The following PPP1R14C variants were observed in gnomAD, a reference collection of about 807,000 sequenced individuals.
PPP1R14C encodes the protein protein phosphatase 1 regulatory inhibitor subunit 14C, also known as protein phosphatase 1 regulatory subunit 14C.
In PPP1R14C, 16 loss-of-function variants were observed where a neutral mutation model predicts 20.4. The ratio of observed to expected loss-of-function variants is 0.78; its 90% confidence interval spans 0.53 to 1.19. PPP1R14C has a LOEUF of 1.19. PPP1R14C is among the 50% of genes most tolerant of loss of function. The pLI is 0.00. For synonymous variants in PPP1R14C, 91 were observed against 91.0 expected (o/e 1.00, Z 0.00); for missense variants, 211 against 220.1 (o/e 0.96, Z 0.26).
chr6:150,240,983 TCTC>T (rs1199033461), intron 3 of PPP1R14C, among the ~76,000 whole-genome samples: 3 of 152,232 alleles, frequency 2.0e-5, no homozygotes, highest in African/African-American at 7.2e-5. Context: ...TTGACCCAGA[TCTC>T]CTAATCTGTT....
At chr6:150,189,703 CT>C (rs1173443814) in intron 1 of PPP1R14C, among the ~76,000 whole-genome samples, 5 of 152,166 alleles carry the variant, frequency 3.3e-5, no homozygotes, top group African/African-American at 1.2e-4. Context: ...ACATTTCTGA[CT>C]TTATATTCTA....
intron 1 of PPP1R14C, among the ~76,000 whole-genome samples, chr6:150,212,711 A>G (rs1778042369): frequency 6.6e-6 from 1 of 152,238 alleles, no homozygotes; most frequent in Non-Finnish European, 1.5e-5. Flanking sequence ...CATATATGAC[A>G]GTGGTCCCAT....
chr6:150,240,684 A>C (rs1014289867), intron 3 of PPP1R14C, among the ~76,000 whole-genome samples: 1 of 152,196 alleles, frequency 6.6e-6, no homozygotes, highest in African/African-American at 2.4e-5. Flanking sequence ...TGCAATGCAG[A>C]AAGTGAGGAG....
intron 3 of PPP1R14C, among the ~76,000 whole-genome samples, chr6:150,244,331 C>T (rs1263393854): frequency 6.6e-6 from 1 of 152,202 alleles, no homozygotes; most frequent in Non-Finnish European, 1.5e-5. Context: ...AGGTGAGCAC[C>T]TCTTTCTGCT....
intron 3 of PPP1R14C, among the ~76,000 whole-genome samples, chr6:150,220,337 C>T (rs1562273153): frequency 6.6e-6 from 1 of 152,098 alleles, no homozygotes; most frequent in Non-Finnish European, 1.5e-5. Flanking sequence ...TGAGGGTTGA[C>T]GGTCTGACTT....
chr6:150,235,131 A>G (rs1253576080), intron 3 of PPP1R14C, among the ~76,000 whole-genome samples: 1 of 152,218 alleles, frequency 6.6e-6, no homozygotes, highest in African/African-American at 2.4e-5. Context: ...TTTGTTGTCC[A>G]TGCTGGAGTG....
At chr6:150,162,873 C>T (rs2114860996) in intron 1 of PPP1R14C, among the ~76,000 whole-genome samples, 1 of 152,172 alleles carries the variant, frequency 6.6e-6, no homozygotes, top group South Asian at 2.1e-4. Context: ...GAGACTGTGG[C>T]CAGGTTAGTG....
At chr6:150,151,206 G>T (rs1247650210) in intron 1 of PPP1R14C, among the ~76,000 whole-genome samples, 1 of 152,140 alleles carries the variant, frequency 6.6e-6, no homozygotes, top group Non-Finnish European at 1.5e-5. Context: ...GAAATGGACA[G>T]TGCCACTTAG....
At chr6:150,217,307 C>T (rs916827602) in intron 3 of PPP1R14C, among the ~76,000 whole-genome samples, 18 of 151,768 alleles carry the variant, frequency 1.2e-4, no homozygotes, top group Admixed American at 1.0e-3. Flanking sequence ...CCAATTCTCC[C>T]GCCTCAGCCT....
chr6:150,243,964 A>G (rs1582936790), intron 3 of PPP1R14C, among the ~76,000 whole-genome samples: 1 of 152,210 alleles, frequency 6.6e-6, no homozygotes, highest in East Asian at 1.9e-4. Context: ...CTGGAGAAGG[A>G]AAACTAATCT....
At chr6:150,167,808 C>G (rs62440052) in intron 1 of PPP1R14C, among the ~76,000 whole-genome samples, 1 of 152,004 alleles carries the variant, frequency 6.6e-6, no homozygotes, top group East Asian at 1.9e-4. Flanking sequence ...GGCAGGCACA[C>G]GAGGAATCCC....
chr6:150,211,963 G>A (rs1275210996), intron 1 of PPP1R14C, among the ~76,000 whole-genome samples: 1 of 152,194 alleles, frequency 6.6e-6, no homozygotes, highest in East Asian at 1.9e-4. Context: ...CTTGAGATCT[G>A]GGCTTTGTTT....
intron 3 of PPP1R14C, among the ~76,000 whole-genome samples, chr6:150,236,223 G>A (rs1181211337): frequency 6.6e-6 from 1 of 152,094 alleles, no homozygotes; most frequent in Non-Finnish European, 1.5e-5. Context: ...ATGATCAAAT[G>A]AGACAGTATG....
intron 3 of PPP1R14C, among the ~76,000 whole-genome samples, chr6:150,247,510 A>G (rs1363211406): frequency 3.3e-5 from 5 of 152,220 alleles, no homozygotes; most frequent in Non-Finnish European, 5.9e-5. Context: ...ACAGGTCATG[A>G]AATCCTTTTA....
chr6:150,241,475 G>A (rs6941534), intron 3 of PPP1R14C, among the ~76,000 whole-genome samples: 1 of 152,194 alleles, frequency 6.6e-6, no homozygotes, highest in African/African-American at 2.4e-5. Flanking sequence ...TAGCTGGTCA[G>A]CCAGAAGTAT....
At position 150,216,884 on chromosome 6, in the gene PPP1R14C, A is replaced by G. The variant is rs377548667; in HGVS notation, c.423+28A>G. Reference sequence around the variant, plus strand: ...AAGCAAATCACTTTTCCTAAATGCCATGTTTGAACTGGTTTTTATTAAATC... The same window carrying G: ...AAGCAAATCACTTTTCCTAAATGCCGTGTTTGAACTGGTTTTTATTAAATC... On this transcript the variant is annotated intron_variant, in intron 3 of 3. Coordinates refer to ENST00000361131, the MANE Select transcript of PPP1R14C (RefSeq NM_030949.3). 2.5e-6 allele frequency: 4 copies of G among 1,578,282 alleles called. No homozygotes were observed. In the Admixed American group the frequency reaches 5.3e-5, roughly 21 times the overall value.
At position 150,216,828 on chromosome 6, in the gene PPP1R14C, C is replaced by G; in HGVS notation, c.395C>G (p.Ala132Gly). Reference protein sequence around the residue: ...DEERASKLQEALVDCYKPTEE... With the variant: ...DEERASKLQEGLVDCYKPTEE... ...TTTCTGTGTGTTTAATTCTAGGAAG[C>G]TCTTGTAGACTGCTACAAACCAACA... Residue 132 changes from alanine (A) to glycine (G), a missense_variant, in exon 3 of 4, where the codon GCT (alanine) becomes GGT (glycine). Physicochemically the swap from Ala to Gly is moderately conservative, Grantham distance 60 (BLOSUM62 0). Transcript: ENST00000361131. The G allele has an allele frequency of 6.3e-7, 1 of 1,595,778 alleles. No homozygotes were observed. The highest frequency in any genetic ancestry group is 8.5e-7 in the Non-Finnish European group (1 of 1,169,870).
At chr6:150,183,993 A>G (rs1426870639) in intron 1 of PPP1R14C, among the ~76,000 whole-genome samples, 1 of 152,218 alleles carries the variant, frequency 6.6e-6, no homozygotes, top group Non-Finnish European at 1.5e-5. Context: ...AGGAGTTCCT[A>G]TTGATGGTAG....
chr6:150,149,299 ATGTGTGTGTGTG>A (rs141854673), intron 1 of PPP1R14C, among the ~76,000 whole-genome samples: 2 of 147,344 alleles, frequency 1.4e-5, no homozygotes, highest in African/African-American at 5.0e-5. Flanking sequence ...CTCCATACAT[ATGTGTGTGTGTG>A]TGTGTGTGTG....
Sources: allele counts gnomAD v4.1 joint callset (sites outside exome capture counted in the v4.1 genomes callset), GRCh38; gene constraint gnomAD v4.1.1; transcripts MANE v1.5; gene names NCBI Gene and HGNC (gene_info 2026-07-23, HGNC 2026-07-21).